The following DAAM2 variants were observed in gnomAD, a reference collection of about 807,000 sequenced individuals.
DAAM2 encodes disheveled-associated activator of morphogenesis 2.
A neutral mutation model predicts 120.7 loss-of-function variants in DAAM2; 39 were observed. That is an observed-to-expected ratio of 0.32 (90% confidence interval 0.25 to 0.42). DAAM2 has a LOEUF of 0.42. DAAM2 is among the 10% of genes least tolerant of loss of function. The pLI is 1.00. For synonymous variants in DAAM2, 488 were observed against 524.9 expected (o/e 0.93, Z 0.96); for missense variants, 1,283 against 1,401.7 (o/e 0.92, Z 1.35).
At position 39,879,207 on chromosome 6, in the gene DAAM2, T is replaced by G. The variant is rs1036270315; in HGVS notation, c.1575T>G (p.Pro525=). 3.7e-5 allele frequency: 58 copies of G among 1,549,592 alleles called. No homozygotes were observed. The highest frequency in any genetic ancestry group is 5.1e-5 in the Non-Finnish European group (58 of 1,146,022). The part of the protein sequence containing the change: ...STGPVSSPPP[P]GGPLTLSSSM... Reference sequence around the variant, plus strand: ...GCCCTGTATCTTCCCCACCACCCCCTGGGGGCCCACTCACCTTGTCTTCCT... The same window carrying G: ...GCCCTGTATCTTCCCCACCACCCCCGGGGGGCCCACTCACCTTGTCTTCCT... Residue 525 remains proline, a synonymous_variant, in exon 14 of 25, where the codon CCT becomes CCG. Coordinates refer to ENST00000274867, the MANE Select transcript of DAAM2 (RefSeq NM_001201427.2).
Position 39,878,047 on chromosome 6 carries a change from G to A in DAAM2, c.1302-156G>A, listed in dbSNP as rs1232989259. 6.6e-6 allele frequency among the ~76,000 whole-genome samples: 1 copy of A among 152,218 alleles called. No individual in the cohort carries two copies. The highest frequency in any genetic ancestry group is 6.5e-5 in the Admixed American group (1 of 15,290). On this transcript the variant is annotated intron_variant, in intron 11 of 24. Coordinates refer to ENST00000274867, the MANE Select transcript of DAAM2 (RefSeq NM_001201427.2). The surrounding 1 kb of genome is among the most constrained non-coding windows in gnomAD (Gnocchi z 5.0). ...ATGTGAACGGGGCAGGGGACCTGGA[G>A]AGACACCTGGGAAGTCTAAATCCTA...
intron 3 of DAAM2, chr6:39,862,625 G>A (rs1265887020): frequency 1.3e-5 from 2 of 151,744 alleles, no homozygotes; most frequent in Non-Finnish European, 2.9e-5. Flanking sequence ...CCAACATGGA[G>A]AAACCCCATC....
chr6:39,837,255 G>A (rs1763136542), intron 1 of DAAM2, among the ~76,000 whole-genome samples: 1 of 152,188 alleles, frequency 6.6e-6, no homozygotes, highest in Non-Finnish European at 1.5e-5. Flanking sequence ...GGTGCATCTT[G>A]GCAGTGGGGT....
intron 9 of DAAM2, among the ~76,000 whole-genome samples, chr6:39,871,964 C>T (rs1341157795): frequency 2.0e-5 from 3 of 152,170 alleles, no homozygotes; most frequent in Non-Finnish European, 4.4e-5. Flanking sequence ...GCCTGCTGTT[C>T]TGATGTCCAA....
At chr6:39,802,811 T>A (rs1195729648) in intron 1 of DAAM2, among the ~76,000 whole-genome samples, 1 of 152,200 alleles carries the variant, frequency 6.6e-6, no homozygotes, top group Non-Finnish European at 1.5e-5. Flanking sequence ...TGTAGCTCAA[T>A]ATATTTCCAT....
intron 1 of DAAM2, among the ~76,000 whole-genome samples, chr6:39,829,761 A>C (rs1272256732): frequency 3.3e-5 from 5 of 152,026 alleles, no homozygotes; most frequent in Admixed American, 1.3e-4. Context: ...CTGCCCTCAG[A>C]GGGCTTAGTT....
At chr6:39,800,034 C>T (rs918934682) in intron 1 of DAAM2, among the ~76,000 whole-genome samples, 1 of 152,200 alleles carries the variant, frequency 6.6e-6, no homozygotes, top group African/African-American at 2.4e-5. Flanking sequence ...GGATGTAACT[C>T]ATTTTTATTT....
At chr6:39,864,315 A>G in intron 3 of DAAM2, 118 bp from the exon 4 acceptor site, 1 of 725,560 alleles carries the variant, frequency 1.4e-6, no homozygotes, top group Middle Eastern at 3.6e-4. Context: ...CCTCCAACCC[A>G]CCCGACATGG....
chr6:39,898,488 A>T (rs1408868307), intron 21 of DAAM2, among the ~76,000 whole-genome samples: 1 of 152,228 alleles, frequency 6.6e-6, no homozygotes, highest in Non-Finnish European at 1.5e-5. Flanking sequence ...AACTAGAAAC[A>T]TAGTGGTAAA....
chr6:39,897,099 A>T, intron 20 of DAAM2, 76 bp from the exon 21 acceptor site: 2 of 1,518,494 alleles, frequency 1.3e-6, no homozygotes, highest in Admixed American at 3.4e-5. Flanking sequence ...TTCTCTTAAC[A>T]CTCCATCCTC....
At chr6:39,794,938 A>T (rs1185202633) in intron 1 of DAAM2, among the ~76,000 whole-genome samples, 2 of 152,180 alleles carry the variant, frequency 1.3e-5, no homozygotes, top group Non-Finnish European at 2.9e-5. Flanking sequence ...CTCTTATCCC[A>T]GCATACAACT....
chr6:39,801,573 A>ATGAC (rs1265324706), intron 1 of DAAM2, among the ~76,000 whole-genome samples: 3 of 152,190 alleles, frequency 2.0e-5, no homozygotes, highest in African/African-American at 7.2e-5. Flanking sequence ...TATTCATGTC[A>ATGAC]TGACTGCATG....
Position 39,901,844 on chromosome 6 carries a change from A to G in DAAM2, c.3014A>G (p.Gln1005Arg), listed in dbSNP as rs376971162. ...GAGCAGAGGGAACGTGAGCGGTGGC[A>G]GCGGCAGCGGAAGGTCCTGGCTGCA... ...LKEQRERERW[Q>R]RQRKVLAAGS... The change falls in exon 25 of 25, where the codon CAG (glutamine) becomes CGG (arginine). Residue 1005 changes from glutamine (Q) to arginine (R), a missense_variant. Gln to Arg is a conservative substitution (Grantham distance 43, BLOSUM62 1). Transcript: ENST00000274867. The surrounding 1 kb of genome is among the most constrained non-coding windows in gnomAD (Gnocchi z 4.5). 8 of 1,564,684 alleles carry G rather than the reference A, an allele frequency of 5.1e-6. No individual in the cohort carries two copies. The highest frequency in any genetic ancestry group is 6.1e-6 in the Non-Finnish European group (7 of 1,151,852).
intron 1 of DAAM2, among the ~76,000 whole-genome samples, chr6:39,827,972 C>T (rs144208072): frequency 3.2e-4 from 48 of 152,280 alleles, no homozygotes; most frequent in East Asian, 7.7e-4. Context: ...AAAATCACCA[C>T]ACCTACAAAG....
intron 1 of DAAM2, among the ~76,000 whole-genome samples, chr6:39,851,934 G>T (rs148357591): frequency 2.2e-4 from 33 of 152,348 alleles, no homozygotes; most frequent in African/African-American, 7.2e-4. Context: ...CAATGTAGAG[G>T]GACTGTGATG....
chr6:39,896,038 A>G (rs568258104), intron 19 of DAAM2, among the ~76,000 whole-genome samples: 235 of 151,954 alleles, frequency 1.5e-3, no homozygotes, highest in Non-Finnish European at 2.8e-3. Context: ...TATTTAATTG[A>G]TTTTTTTTCT....
rs78360619 is a variant in DAAM2 at position 39,833,944 on chromosome 6, A to G, written c.-56-22303A>G. On this transcript the variant is annotated intron_variant, in intron 1 of 24. Transcript: ENST00000274867. ...GGTTAGGTCCTGTCATAGTCTCTAC[A>G]GATGAAGGAGGTAAGGCTTAGAGAA... Among the ~76,000 whole-genome samples the G allele has an allele frequency of 4.2e-3, 641 of 152,326 alleles. 4 individuals are homozygous for G. Among genetic ancestry groups the G allele is most frequent in the African/African-American group, 0.014 (585 of 41,568 alleles).
chr6:39,888,354 G>C (rs1001317801), intron 16 of DAAM2: 1 of 180,736 alleles, frequency 5.5e-6, no homozygotes, highest in Non-Finnish European at 1.1e-5. Flanking sequence ...TGAGGAGGAG[G>C]AGAAGGATCA....
intron 1 of DAAM2, among the ~76,000 whole-genome samples, chr6:39,805,783 A>G (rs544051509): frequency 6.6e-6 from 1 of 152,134 alleles, no homozygotes; most frequent in Admixed American, 6.5e-5. Flanking sequence ...CCATCTCCTG[A>G]CCTCATGATC....
Sources: allele counts gnomAD v4.1 joint callset (sites outside exome capture counted in the v4.1 genomes callset), GRCh38; gene constraint gnomAD v4.1.1; non-coding constraint Gnocchi (gnomAD v3.1); transcripts MANE v1.5; gene names NCBI Gene and HGNC (gene_info 2026-07-23, HGNC 2026-07-21).